Variants in ZNF385B observed in about 807,000 individuals in gnomAD.
ZNF385B encodes the protein zinc finger protein 385B.
In ZNF385B, 23 loss-of-function variants were observed where a neutral mutation model predicts 39.2. The observed-to-expected ratio is 0.59, with a 90% confidence interval of 0.42 to 0.83. The LOEUF is 0.83. ZNF385B is among the 40% of genes least tolerant of loss of function. The pLI, the probability that ZNF385B is intolerant of heterozygous loss-of-function variation, is 0.00. For missense variants in ZNF385B, 552 were observed against 598.9 expected (o/e 0.92, Z 0.82); for synonymous variants, 205 against 222.6 (o/e 0.92, Z 0.70).
At chr2:179,539,726 T>C (rs1474260930) in intron 4 of ZNF385B, among the ~76,000 whole-genome samples, 2 of 152,154 alleles carry the variant, frequency 1.3e-5, no homozygotes, top group East Asian at 3.8e-4. Context: ...TTGGCAAATC[T>C]AAAGAAAAAT....
At chr2:179,617,360 A>G (rs1689838883) in intron 3 of ZNF385B, among the ~76,000 whole-genome samples, 1 of 152,198 alleles carries the variant, frequency 6.6e-6, no homozygotes, top group Admixed American at 6.5e-5. Context: ...TCTTTTTCAA[A>G]GGAAGAATAG....
chr2:179,825,955 T>C (rs1707659421), intron 1 of ZNF385B, among the ~76,000 whole-genome samples: 1 of 152,202 alleles, frequency 6.6e-6, no homozygotes, highest in Admixed American at 6.5e-5. Flanking sequence ...AGTATTCTGA[T>C]GCCATCCCCT....
intron 3 of ZNF385B, among the ~76,000 whole-genome samples, chr2:179,586,355 G>T (rs1687070247): frequency 6.6e-6 from 1 of 152,204 alleles, no homozygotes; most frequent in Non-Finnish European, 1.5e-5. Context: ...CTTCCTTGAA[G>T]ACAGGGGCTG....
chr2:179,746,817 C>T (rs1702409725), intron 3 of ZNF385B, among the ~76,000 whole-genome samples: 1 of 151,822 alleles, frequency 6.6e-6, no homozygotes, highest in African/African-American at 2.4e-5. Flanking sequence ...TTAGATATAC[C>T]CCAGAAATAC....
chr2:179,659,684 C>T (rs1479348579), intron 3 of ZNF385B, among the ~76,000 whole-genome samples: 1 of 152,008 alleles, frequency 6.6e-6, no homozygotes, highest in Non-Finnish European at 1.5e-5. Flanking sequence ...AGAACCAGTC[C>T]TTTTTAGAAT....
At position 179,480,583 on chromosome 2, in the gene ZNF385B, C is replaced by CT. The variant is rs776501640; in HGVS notation, c.715+2688dup. On this transcript the variant is annotated intron_variant, in intron 6 of 9. Transcript: ENST00000410066. Reference sequence around the variant, plus strand: ...GACCAGATTTCCCATCTGGGCAAAGCTTTTAATTTTCCAACTTGAAAATTC... The same window carrying CT: ...GACCAGATTTCCCATCTGGGCAAAGCTTTTTAATTTTCCAACTTGAAAATTC... Among the ~76,000 whole-genome samples the CT allele has an allele frequency of 2.1e-4, 32 of 152,212 alleles. No individual in the cohort carries two copies. The East Asian group carries it at 3.3e-3, about 16-fold the overall frequency.
chr2:179,631,178 A>G (rs1691173489), intron 3 of ZNF385B, among the ~76,000 whole-genome samples: 1 of 152,188 alleles, frequency 6.6e-6, no homozygotes, highest in African/African-American at 2.4e-5. Context: ...AACACCACAA[A>G]GATACTCCTC....
At chr2:179,767,920 T>G (rs1703799244) in intron 3 of ZNF385B, among the ~76,000 whole-genome samples, 1 of 148,224 alleles carries the variant, frequency 6.7e-6, no homozygotes, top group Admixed American at 6.8e-5. Context: ...ATATATAATA[T>G]TATTAATAAT....
chr2:179,579,315 C>A (rs116852005), intron 3 of ZNF385B, among the ~76,000 whole-genome samples: 4 of 151,914 alleles, frequency 2.6e-5, no homozygotes, highest in Non-Finnish European at 2.9e-5. Context: ...GTGTTACTGG[C>A]TTACTGGTGT....
At position 179,445,681 on chromosome 2, in the gene ZNF385B, T is replaced by A. The variant is rs372754906; in HGVS notation, c.1009A>T (p.Ile337Phe). The A allele has an allele frequency of 6.2e-7, 1 of 1,613,858 alleles. No homozygotes were observed. Among genetic ancestry groups the A allele is most frequent in the African/African-American group, 1.3e-5 (1 of 74,908 alleles). ...GATCCAGGTCTAGGATAGGATTTAA[T>A]TGGACCAGCCCCATTACGAGCTTCA... Reference protein sequence around the residue: ...MVEARNGAGPIKSYPRPGSRL... With the variant: ...MVEARNGAGPFKSYPRPGSRL... Residue 337 changes from isoleucine to phenylalanine, a missense_variant, in exon 8 of 10, where the codon ATT becomes TTT. By Grantham distance (21) the Ile-to-Phe change is conservative. Transcript: ENST00000410066.
chr2:179,718,667 G>A (rs1250514513), intron 3 of ZNF385B, among the ~76,000 whole-genome samples: 1 of 150,700 alleles, frequency 6.6e-6, no homozygotes, highest in Non-Finnish European at 1.5e-5. Flanking sequence ...ATGAATGCCT[G>A]GCTTTTAAAT....
intron 3 of ZNF385B, among the ~76,000 whole-genome samples, chr2:179,642,260 T>C (rs1692331652): frequency 6.6e-6 from 1 of 152,142 alleles, no homozygotes; most frequent in African/African-American, 2.4e-5. Flanking sequence ...AGGGAGTAAA[T>C]GGGAGTCTGT....
At chr2:179,807,893 TGAAAGAAA>T (rs139866166) in intron 1 of ZNF385B, among the ~76,000 whole-genome samples, 57,050 of 123,152 alleles carry the variant, frequency 0.46, 13,499 homozygotes, top group East Asian at 0.65. Flanking sequence ...AGACTCCGTC[TGAAAGAAA>T]GAAAGAAAGA....
At chr2:179,710,480 A>G (rs79878231) in intron 3 of ZNF385B, among the ~76,000 whole-genome samples, 1 of 152,210 alleles carries the variant, frequency 6.6e-6, no homozygotes, top group Non-Finnish European at 1.5e-5. Context: ...GATTAAAATA[A>G]TGAATGTTAG....
chr2:179,546,928 G>C (rs2060272598), intron 3 of ZNF385B, among the ~76,000 whole-genome samples: 1 of 149,862 alleles, frequency 6.7e-6, no homozygotes, highest in African/African-American at 2.5e-5. Flanking sequence ...TTTAACTGGG[G>C]TGAGATGATA....
chr2:179,453,148 A>G (rs1257030227), intron 6 of ZNF385B, among the ~76,000 whole-genome samples: 1 of 152,146 alleles, frequency 6.6e-6, no homozygotes, highest in African/African-American at 2.4e-5. Context: ...CTAACACCAA[A>G]TGATATTTAT....
At chr2:179,624,585 G>T (rs1690494949) in intron 3 of ZNF385B, among the ~76,000 whole-genome samples, 1 of 152,196 alleles carries the variant, frequency 6.6e-6, no homozygotes, top group African/African-American at 2.4e-5. Context: ...CAGTAATCTA[G>T]AGAAGAGATA....
At chr2:179,468,595 T>C (rs1026003448) in intron 6 of ZNF385B, among the ~76,000 whole-genome samples, 5 of 152,198 alleles carry the variant, frequency 3.3e-5, no homozygotes, top group East Asian at 1.9e-4. Context: ...TGGCTCTTTA[T>C]AGAGGAAACA....
At chr2:179,664,748 A>AT (rs1359885791) in intron 3 of ZNF385B, among the ~76,000 whole-genome samples, 1 of 152,200 alleles carries the variant, frequency 6.6e-6, no homozygotes, top group Non-Finnish European at 1.5e-5. Context: ...AACTGGATAT[A>AT]TAATAGAAGT....
Sources: allele counts gnomAD v4.1 joint callset (sites outside exome capture counted in the v4.1 genomes callset), GRCh38; gene constraint gnomAD v4.1.1; transcripts MANE v1.5; gene names NCBI Gene and HGNC (gene_info 2026-07-23, HGNC 2026-07-21).